Variants in LRP1B observed in about 807,000 individuals in gnomAD.
LRP1B encodes the protein low-density lipoprotein receptor-related protein 1B.
LRP1B carries 217 observed loss-of-function variants against 556.6 expected under a neutral mutation model. The ratio of observed to expected loss-of-function variants is 0.39; its 90% CI spans 0.35 to 0.44. The LOEUF (loss-of-function observed/expected upper bound fraction) is 0.44. LRP1B is among the 20% of genes least tolerant of loss of function. The pLI is 1.00. For missense variants in LRP1B, 5,053 were observed against 5,620.8 expected, an observed-to-expected ratio of 0.90 and a Z score of 3.23; for synonymous variants, 2,047 against 1,865.8, an observed-to-expected ratio of 1.10 and a Z score of -2.50.
At chr2:142,036,014 C>T (rs1409076057) in intron 1 of LRP1B, among the ~76,000 whole-genome samples, 2 of 151,664 alleles carry the variant, frequency 1.3e-5, no homozygotes. Flanking sequence ...TTTTTACCTC[C>T]CGCCGTGATT....
Position 140,363,561 on chromosome 2 carries a change from A to G in LRP1B, c.11131+1100T>C, listed in dbSNP as rs16843846. Among the ~76,000 whole-genome samples, 1,364 of 151,754 alleles carry G rather than the reference A, an allele frequency of 9.0e-3. 55 individuals carry two copies. The East Asian group carries it at 0.14, about 15-fold the overall frequency. ...TTAAATATTTTATGATTCAGAAACA[A>G]TCTAATCCCTGGTGATTACCCAGAG... On this transcript the variant is annotated intron_variant, in intron 72 of 90. Coordinates refer to ENST00000389484, the MANE Select transcript of LRP1B (RefSeq NM_018557.3).
chr2:141,861,652 G>A lies in LRP1B; in HGVS notation c.83-51251C>T, dbSNP rs927541258. On this transcript the variant is annotated intron_variant, in intron 1 of 90. Transcript: ENST00000389484. Reference sequence around the variant, plus strand: ...CATAGAGAAAACAAAATTACAGGCTGGGCACAGTGGCTCACACCTGTAAAT... The same window carrying A: ...CATAGAGAAAACAAAATTACAGGCTAGGCACAGTGGCTCACACCTGTAAAT... Among the ~76,000 whole-genome samples the A allele has an allele frequency of 2.0e-5, 3 of 152,154 alleles. No individual in the cohort carries two copies. The East Asian group carries it at 5.8e-4, about 29-fold the overall frequency.
At chr2:141,185,500 C>T (rs1272836337) in intron 7 of LRP1B, among the ~76,000 whole-genome samples, 1 of 151,834 alleles carries the variant, frequency 6.6e-6, no homozygotes, top group South Asian at 2.1e-4. Flanking sequence ...TCTCTAGAAG[C>T]ATCTCTGGGA....
At chr2:141,142,587 T>A (rs1157510178) in intron 7 of LRP1B, among the ~76,000 whole-genome samples, 1 of 152,048 alleles carries the variant, frequency 6.6e-6, no homozygotes, top group Non-Finnish European at 1.5e-5. Context: ...TTAGAAAAAA[T>A]AGTTTTTTTA....
chr2:141,708,058 G>A (rs1007928277), intron 2 of LRP1B, among the ~76,000 whole-genome samples: 3 of 152,044 alleles, frequency 2.0e-5, no homozygotes, highest in Non-Finnish European at 4.4e-5. Context: ...TCAAAACTCT[G>A]ATGTTAAGAA....
chr2:140,498,492 C>T (rs948108149), intron 55 of LRP1B, among the ~76,000 whole-genome samples: 3 of 151,820 alleles, frequency 2.0e-5, no homozygotes, highest in Non-Finnish European at 2.9e-5. Flanking sequence ...TAGATACATT[C>T]TATTTGTTTT....
At chr2:141,177,632 A>C (rs2105162124) in intron 7 of LRP1B, among the ~76,000 whole-genome samples, 1 of 152,280 alleles carries the variant, frequency 6.6e-6, no homozygotes, top group South Asian at 2.1e-4. Flanking sequence ...ATATTACAAA[A>C]GAAATGAGTG....
chr2:140,895,438 C>A (rs1693923937), intron 23 of LRP1B, among the ~76,000 whole-genome samples: 1 of 152,148 alleles, frequency 6.6e-6, no homozygotes, highest in Non-Finnish European at 1.5e-5. Flanking sequence ...CGGCTCTCAA[C>A]CCCTCGTGGG....
intron 86 of LRP1B, among the ~76,000 whole-genome samples, chr2:140,262,906 C>T (rs1038598743): frequency 3.9e-5 from 6 of 152,018 alleles, no homozygotes; most frequent in African/African-American, 7.2e-5. Context: ...TGGAAATGTG[C>T]GAAAACCGAT....
rs148061725 is a variant in LRP1B, at chr2:141,015,870, G to A, written c.2016C>T (p.Ser672=). ...TCCAGGCCTTCTCAATCCTTCCCAC[G>A]CTGTCATCTATTTCATCTTCCTCCC... ...TDWEEDEIDD[S]VGRIEKAWMD... The change falls in exon 13 of 91, where the codon AGC becomes AGT. Residue 672 remains serine (S), a synonymous_variant. Transcript: ENST00000389484. 9.3e-6 allele frequency: 15 copies of A among 1,613,092 alleles called. No homozygotes were observed. The highest frequency in any genetic ancestry group is 3.3e-5 in the South Asian group (3 of 91,066).
chr2:141,719,811 A>G (rs536293349), intron 2 of LRP1B, among the ~76,000 whole-genome samples: 40 of 152,224 alleles, frequency 2.6e-4, no homozygotes, highest in African/African-American at 9.4e-4. Context: ...AAAGGATAAC[A>G]ATTTTCACTT....
chr2:140,378,572 G>GT (rs1237663262), intron 67 of LRP1B, among the ~76,000 whole-genome samples: 1 of 152,124 alleles, frequency 6.6e-6, no homozygotes, highest in Non-Finnish European at 1.5e-5. Context: ...GCCTGAAAAT[G>GT]TACCTATTGT....
At chr2:141,163,070 G>A (rs1466086737) in intron 7 of LRP1B, among the ~76,000 whole-genome samples, 1 of 152,024 alleles carries the variant, frequency 6.6e-6, no homozygotes, top group Non-Finnish European at 1.5e-5. Flanking sequence ...AAGTTCCAGG[G>A]AGAATCAAGC....
At chr2:142,015,808 A>G (rs1336377989) in intron 1 of LRP1B, among the ~76,000 whole-genome samples, 1 of 151,878 alleles carries the variant, frequency 6.6e-6, no homozygotes, top group African/African-American at 2.4e-5. Flanking sequence ...CCTGGCTAAC[A>G]CGGTGAAACC....
At chr2:142,061,607 A>T (rs1202817112) in intron 1 of LRP1B, among the ~76,000 whole-genome samples, 1 of 151,980 alleles carries the variant, frequency 6.6e-6, no homozygotes, top group East Asian at 1.9e-4. Flanking sequence ...TGTATGCAGA[A>T]TGTCTCAGGG....
chr2:140,608,200 G>C (rs1682939932), intron 41 of LRP1B, among the ~76,000 whole-genome samples: 1 of 152,024 alleles, frequency 6.6e-6, no homozygotes, highest in South Asian at 2.1e-4. Flanking sequence ...TACTGAGTTG[G>C]GTAAGCTGGC....
intron 1 of LRP1B, among the ~76,000 whole-genome samples, chr2:141,872,646 T>C (rs1698625633): frequency 6.6e-6 from 1 of 151,746 alleles, no homozygotes; most frequent in African/African-American, 2.4e-5. Flanking sequence ...GAAAAAATGA[T>C]CCAGAAAGGC....
At chr2:141,008,261 A>G (rs1376185086) in intron 14 of LRP1B, among the ~76,000 whole-genome samples, 1 of 151,500 alleles carries the variant, frequency 6.6e-6, no homozygotes, top group East Asian at 1.9e-4. Context: ...CTTTACATAT[A>G]CATTATATTT....
In LRP1B at chr2:140,867,644, T is replaced by G. The variant is rs1573820885; in HGVS notation, c.4525A>C (p.Thr1509Pro). The G allele has an allele frequency of 1.2e-6, 2 of 1,613,494 alleles. No homozygotes were observed. Among genetic ancestry groups the G allele is most frequent in the Non-Finnish European group, 1.7e-6 (2 of 1,179,624 alleles). ...TGAAGGTCAAATGGCTGTGCACTGG[T>G]TTTCTGAATCACACTGACATTCTGC... ...TGQNVSVIQK[T>P]SAQPFDLQIY... Residue 1509 changes from threonine (T) to proline (P), a missense_variant, in exon 27 of 91, where the codon ACC (threonine) becomes CCC (proline). Physicochemically the swap from Thr to Pro is conservative, Grantham distance 38. This residue lies in a region of LRP1B where 3,619 missense variants were observed against 3,931.9 expected (regional missense o/e 0.92). Coordinates refer to ENST00000389484, the MANE Select transcript of LRP1B (RefSeq NM_018557.3).
Sources: gnomAD v4.1 joint callset for allele counts (sites outside exome capture counted in the v4.1 genomes callset) on GRCh38, gnomAD v4.1.1 for gene constraint, gnomAD v4.1.1 regional missense constraint, MANE v1.5 for transcripts, NCBI Gene and HGNC (gene_info 2026-07-23, HGNC 2026-07-21) for gene names.